RANBP3L: variants seen among roughly 807,000 people sequenced by gnomAD.
RANBP3L encodes the protein RAN binding protein 3 like.
Under a neutral mutation model 67.2 loss-of-function variants are expected in RANBP3L, and 56 were observed. The ratio of observed to expected loss-of-function variants is 0.83; its 90% confidence interval spans 0.67 to 1.04. The LOEUF (loss-of-function observed/expected upper bound fraction) is 1.04. RANBP3L is among the 50% of genes least tolerant of loss of function. RANBP3L has a pLI of 0.00. For synonymous variants in RANBP3L, 164 were observed against 181.4 expected (o/e 0.90, Z 0.77); for missense variants, 496 against 535.5 (o/e 0.93, Z 0.73).
chr5:36,289,181 C>A (rs1751534161), intron 1 of RANBP3L, among the ~76,000 whole-genome samples: 1 of 151,988 alleles, frequency 6.6e-6, no homozygotes, highest in African/African-American at 2.4e-5. Context: ...ATCCGTTCTC[C>A]CTTTGAGTTA....
intron 6 of RANBP3L, among the ~76,000 whole-genome samples, chr5:36,264,523 C>T (rs1364112045): frequency 3.3e-5 from 5 of 152,218 alleles, no homozygotes; most frequent in Non-Finnish European, 7.3e-5. Context: ...AGGGAGTTCT[C>T]TGCTCCTGTT....
At chr5:36,301,276 A>T (rs909309481) in intron 1 of RANBP3L, 50 bp downstream of exon 1, 1 of 1,386,896 alleles carries the variant, frequency 7.2e-7, no homozygotes, top group East Asian at 2.3e-5. Context: ...CTGGAATGCA[A>T]ATGCACAGAA....
intron 11 of RANBP3L, 71 bp downstream of exon 11, chr5:36,255,399 A>G: frequency 1.4e-6 from 2 of 1,441,530 alleles, no homozygotes; most frequent in Non-Finnish European, 1.9e-6. Context: ...AATGATGTGT[A>G]CCTATATTAT....
At position 36,294,117 on chromosome 5, in the gene RANBP3L, G is replaced by C. The variant is rs1490287299; in HGVS notation, c.91+7209C>G. 6.6e-5 allele frequency among the ~76,000 whole-genome samples: 10 copies of C among 152,114 alleles called. 1 individual carries two copies. The South Asian group carries it at 2.1e-3, about 32-fold the overall frequency. On this transcript the variant is annotated intron_variant, in intron 1 of 13. Coordinates refer to ENST00000296604, the MANE Select transcript of RANBP3L (RefSeq NM_145000.5). Reference sequence around the variant, plus strand: ...CTATTCAGAGATTCAACTTCTTCCTGGTTTAGTCTTGGGAGAGTGTATGTA... The same window carrying C: ...CTATTCAGAGATTCAACTTCTTCCTCGTTTAGTCTTGGGAGAGTGTATGTA...
rs368964724 is a variant in RANBP3L, at chr5:36,299,335, A to ATGTG, written c.91+1987_91+1990dup. ...TCTGTATATATATACACATACATATATGTGTGTGTGTGTGTGTGTGTGTGT... is the reference window on the plus strand; with the variant it reads ...TCTGTATATATATACACATACATATATGTGTGTGTGTGTGTGTGTGTGTGTGTGT... On this transcript the variant is annotated intron_variant, in intron 1 of 13. Transcript: ENST00000296604. Among the ~76,000 whole-genome samples, 922 of 145,338 alleles carry ATGTG rather than the reference A, an allele frequency of 6.3e-3. 4 individuals carry two copies. The highest frequency in any genetic ancestry group is 0.013 in the South Asian group (60 of 4,502).
At chr5:36,279,914 C>A (rs1271727803) in intron 1 of RANBP3L, among the ~76,000 whole-genome samples, 3 of 151,994 alleles carry the variant, frequency 2.0e-5, no homozygotes, top group Non-Finnish European at 4.4e-5. Flanking sequence ...TCATCAATAC[C>A]AAGCTGATAA....
intron 1 of RANBP3L, among the ~76,000 whole-genome samples, chr5:36,299,335 A>ATG (rs368964724): frequency 0.2 from 29,094 of 145,084 alleles, 3,346 homozygotes; most frequent in Non-Finnish European, 0.27. Flanking sequence ...ACATACATAT[A>ATG]TGTGTGTGTG....
intron 1 of RANBP3L, among the ~76,000 whole-genome samples, chr5:36,285,175 G>A (rs1178262051): frequency 6.6e-6 from 1 of 152,204 alleles, no homozygotes; most frequent in Non-Finnish European, 1.5e-5. Context: ...TAAGTGACAT[G>A]TTAGCACTGT....
chr5:36,253,553 C>A, intron 12 of RANBP3L, 94 bp downstream of exon 12: 1 of 1,004,662 alleles, frequency 1.0e-6, no homozygotes, highest in Non-Finnish European at 1.5e-6. Flanking sequence ...GCCAATGGTA[C>A]AGATTATTAT....
At chr5:36,264,459 T>C (rs566235625) in intron 6 of RANBP3L, among the ~76,000 whole-genome samples, 1 of 152,288 alleles carries the variant, frequency 6.6e-6, no homozygotes, top group Non-Finnish European at 1.5e-5. Flanking sequence ...AGTTGGAAGT[T>C]AGAATTCTTA....
At chr5:36,266,120 A>G (rs1418915334) in intron 4 of RANBP3L, among the ~76,000 whole-genome samples, 1 of 152,192 alleles carries the variant, frequency 6.6e-6, no homozygotes, top group African/African-American at 2.4e-5. Context: ...GCACTGTCAG[A>G]AATTCTACAG....
intron 12 of RANBP3L, among the ~76,000 whole-genome samples, chr5:36,252,473 A>C (rs1748662853): frequency 6.6e-6 from 1 of 152,138 alleles, no homozygotes; most frequent in Non-Finnish European, 1.5e-5. Context: ...AAATGTATAA[A>C]TAAAATGTAC....
chr5:36,278,651 C>T (rs1474736590), intron 1 of RANBP3L, among the ~76,000 whole-genome samples: 2 of 152,100 alleles, frequency 1.3e-5, no homozygotes, highest in Admixed American at 6.6e-5. Context: ...AAAATAATTA[C>T]TATTCAAACC....
chr5:36,300,627 C>T (rs1245512140), intron 1 of RANBP3L, among the ~76,000 whole-genome samples: 1 of 152,168 alleles, frequency 6.6e-6, no homozygotes, highest in Non-Finnish European at 1.5e-5. Context: ...ATGAGAGACC[C>T]AGCCTTTCCC....
intron 4 of RANBP3L, among the ~76,000 whole-genome samples, 180 bp downstream of exon 4, chr5:36,269,210 G>T (rs2111872994): frequency 6.6e-6 from 1 of 152,196 alleles, no homozygotes; most frequent in South Asian, 2.1e-4. Context: ...GCTGATAAAT[G>T]GAATGTTTAA....
At chr5:36,261,824 G>T (rs893428626) in intron 7 of RANBP3L, 115 bp downstream of exon 7, 8 of 518,560 alleles carry the variant, frequency 1.5e-5, no homozygotes, top group Admixed American at 1.2e-4. Flanking sequence ...CCTTTCAAAT[G>T]GGAATCTTGG....
At chr5:36,268,328 T>G in intron 4 of RANBP3L, 1 of 1,267,212 alleles carries the variant, frequency 7.9e-7, no homozygotes, top group South Asian at 1.6e-5. Context: ...TGTTTTCATT[T>G]GGAGTTTTGC....
At chr5:36,285,296 T>G (rs185580590) in intron 1 of RANBP3L, among the ~76,000 whole-genome samples, 1 of 152,292 alleles carries the variant, frequency 6.6e-6, no homozygotes, top group Admixed American at 6.5e-5. Flanking sequence ...GAATCTCAGT[T>G]TTGAAAGTGA....
chr5:36,298,927 T>C (rs1752421603), intron 1 of RANBP3L, among the ~76,000 whole-genome samples: 1 of 152,154 alleles, frequency 6.6e-6, no homozygotes, highest in South Asian at 2.1e-4. Flanking sequence ...AGTGTCAACT[T>C]GATTGGATTG....
Sources: allele counts gnomAD v4.1 joint callset (sites outside exome capture counted in the v4.1 genomes callset), GRCh38; gene constraint gnomAD v4.1.1; transcripts MANE v1.5; gene names NCBI Gene and HGNC (gene_info 2026-07-23, HGNC 2026-07-21).